CALB2: variants seen among roughly 807,000 people sequenced by gnomAD.
The protein encoded by CALB2 is calbindin 2, also known as calretinin.
CALB2 carries 34 observed loss-of-function variants against 45.9 expected under a neutral mutation model. That is an observed-to-expected ratio of 0.74 (90% confidence interval 0.56 to 0.99). The LOEUF is 0.99. CALB2 is among the 50% of genes least tolerant of loss of function. The pLI is 0.00. For missense variants in CALB2, 344 were observed against 339.3 expected, an observed-to-expected ratio of 1.01 and a Z score of -0.11; for synonymous variants, 142 against 129.6, an observed-to-expected ratio of 1.10 and a Z score of -0.65.
At position 71,385,583 on chromosome 16, in the gene CALB2, A is replaced by C; in HGVS notation, c.634A>C (p.Ser212Arg). 1 of 1,614,096 alleles carries C rather than the reference A, an allele frequency of 6.2e-7. No homozygotes were observed. Among genetic ancestry groups the C allele is most frequent in the Non-Finnish European group, 8.5e-7 (1 of 1,180,004 alleles). ...ACTCTGCTCCCATCCCCAGGATAGAAGCGGCTACATTGACGAGCATGAGCT... is the reference window on the plus strand; with the variant it reads ...ACTCTGCTCCCATCCCCAGGATAGACGCGGCTACATTGACGAGCATGAGCT... Reference protein sequence around the residue: ...AIFTFYDKDRSGYIDEHELDA... With the variant: ...AIFTFYDKDRRGYIDEHELDA... Residue 212 changes from serine (S) to arginine (R), a missense_variant, in exon 10 of 11, where the codon AGC (serine) becomes CGC (arginine). By Grantham distance (110) the Ser-to-Arg change is moderately radical (BLOSUM62 -1). Around this residue, in one of 3 missense-constraint regions of CALB2, gnomAD observed 263 missense variants for 241.7 expected, o/e 1.09. Transcript: ENST00000302628.
intron 10 of CALB2, among the ~76,000 whole-genome samples, 178 bp downstream of exon 10, chr16:71,385,826 T>A (rs2042565208): frequency 6.6e-6 from 1 of 152,124 alleles, no homozygotes; most frequent in Admixed American, 6.6e-5. Flanking sequence ...GGTTGGTTGA[T>A]TAATTGATGT....
At chr16:71,373,794 G>A (rs2042380137) in intron 2 of CALB2, among the ~76,000 whole-genome samples, 1 of 152,250 alleles carries the variant, frequency 6.6e-6, no homozygotes, top group African/African-American at 2.4e-5. Context: ...GGCCACATTT[G>A]TGACAAGTGC....
intron 1 of CALB2, among the ~76,000 whole-genome samples, chr16:71,370,164 ATATT>A (rs2042331539): frequency 6.6e-6 from 1 of 152,200 alleles, no homozygotes. Context: ...GTGCCATACA[ATATT>A]TATTGTGGCA....
intron 9 of CALB2, 21 bp downstream of exon 9, chr16:71,384,857 G>T: frequency 6.2e-7 from 1 of 1,610,402 alleles, no homozygotes; most frequent in Non-Finnish European, 8.5e-7. Flanking sequence ...GAGTTGGCAT[G>T]GCAGGGAAAA....
intron 1 of CALB2, among the ~76,000 whole-genome samples, chr16:71,370,726 GTC>G (rs932447567): frequency 4.6e-5 from 7 of 152,146 alleles, no homozygotes; most frequent in Admixed American, 1.3e-4. Flanking sequence ...GCAAGACCCT[GTC>G]TCAAAAAAAA....
At chr16:71,364,769 G>C (rs2042265958) in intron 1 of CALB2, among the ~76,000 whole-genome samples, 1 of 152,220 alleles carries the variant, frequency 6.6e-6, no homozygotes, top group African/African-American at 2.4e-5. Context: ...TCAGCTGGTG[G>C]CTGGTAGCTC....
intron 4 of CALB2, among the ~76,000 whole-genome samples, chr16:71,381,335 A>C (rs1488925256): frequency 6.6e-6 from 1 of 152,082 alleles, no homozygotes; most frequent in Non-Finnish European, 1.5e-5. Context: ...ACACTCTTGT[A>C]ATCAAATACC....
intron 1 of CALB2, among the ~76,000 whole-genome samples, chr16:71,369,097 C>T (rs2042317767): frequency 6.6e-6 from 1 of 152,144 alleles, no homozygotes; most frequent in Non-Finnish European, 1.5e-5. Flanking sequence ...ATCTTTCCAA[C>T]CTGAAGAAAG....
rs1245467722 is a variant in CALB2, at chr16:71,390,328, T to C, written c.*463T>C. On this transcript the variant is annotated 3_prime_UTR_variant, in exon 11 of 11. Transcript: ENST00000302628. ...CCTGTGTGTGGAAGGCACCCGCCCTTTCCTTGCCTTCTTTACTCGGCGTGC... is the reference window on the plus strand; with the variant it reads ...CCTGTGTGTGGAAGGCACCCGCCCTCTCCTTGCCTTCTTTACTCGGCGTGC... 1 of 154,528 alleles carries C rather than the reference T, an allele frequency of 6.5e-6. No individual in the cohort carries two copies. Among genetic ancestry groups the C allele is most frequent in the Non-Finnish European group, 1.4e-5 (1 of 69,734 alleles). The allele number at this position is 154,528 out of a possible 1,614,324, so 9.6% of individuals were successfully genotyped here. A position where few individuals can be genotyped will look rare whatever the true frequency, so the allele number is the denominator to read the frequency against.
chr16:71,363,335 G>A (rs1055833739), intron 1 of CALB2, among the ~76,000 whole-genome samples: 8 of 152,184 alleles, frequency 5.3e-5, no homozygotes, highest in African/African-American at 1.9e-4. Context: ...AAGTGGCCCA[G>A]GTGACGTAGG....
intron 8 of CALB2, among the ~76,000 whole-genome samples, 173 bp downstream of exon 8, chr16:71,384,551 C>G (rs913788017): frequency 2.1e-5 from 3 of 139,786 alleles, no homozygotes; most frequent in African/African-American, 8.1e-5. Context: ...AAAACACACA[C>G]AGACCACACA....
At chr16:71,385,821 GTTGA>G (rs1007682902) in intron 10 of CALB2, among the ~76,000 whole-genome samples, 173 bp downstream of exon 10, 28 of 152,256 alleles carry the variant, frequency 1.8e-4, no homozygotes, top group Middle Eastern at 3.4e-3. Context: ...TGGTTGGTTG[GTTGA>G]TTAATTGATG....
intron 1 of CALB2, among the ~76,000 whole-genome samples, chr16:71,367,730 C>T (rs1190351551): frequency 6.6e-6 from 1 of 152,208 alleles, no homozygotes; most frequent in Non-Finnish European, 1.5e-5. Flanking sequence ...GGAACAGTGG[C>T]TCAGTTCAAA....
In CALB2 at chr16:71,358,734, C is replaced by T; in HGVS notation, c.-59C>T. 7.2e-7 allele frequency: 1 copy of T among 1,389,374 alleles called. No individual in the cohort carries two copies. Among genetic ancestry groups the T allele is most frequent in the Non-Finnish European group, 1.0e-6 (1 of 1,002,470 alleles). The allele number at this position is 1,389,374 out of a possible 1,614,324, so 86.1% of individuals were successfully genotyped here. On this transcript the variant is annotated 5_prime_UTR_variant, in exon 1 of 11. Transcript: ENST00000302628. The stretch of plus-strand genomic sequence containing the variant: ...TGGCGCACAACCCCAGCGCGAGTGC[C>T]AGAGCCCAGCCGGCGCGGAGCGGGA...
chr16:71,387,514 C>A (rs1212597180), intron 10 of CALB2, among the ~76,000 whole-genome samples: 2 of 151,372 alleles, frequency 1.3e-5, no homozygotes, highest in African/African-American at 4.9e-5. Context: ...TTGGATGGTG[C>A]CTGCATGGAG....
intron 1 of CALB2, among the ~76,000 whole-genome samples, chr16:71,362,046 C>T (rs888733137): frequency 5.9e-5 from 9 of 152,196 alleles, no homozygotes; most frequent in Non-Finnish European, 7.3e-5. Flanking sequence ...CACCCAGTGA[C>T]CCTGGTGGGG....
At chr16:71,387,284 G>T (rs1388952116) in intron 10 of CALB2, among the ~76,000 whole-genome samples, 1 of 152,124 alleles carries the variant, frequency 6.6e-6, no homozygotes, top group Non-Finnish European at 1.5e-5. Flanking sequence ...TCTGCTGTTG[G>T]GATTCAGAAG....
chr16:71,365,045 G>A (rs910017904), intron 1 of CALB2, among the ~76,000 whole-genome samples: 11 of 152,138 alleles, frequency 7.2e-5, no homozygotes, highest in South Asian at 4.1e-4. Flanking sequence ...GGAATGGTGC[G>A]CACCAAGCAA....
chr16:71,382,029 GA>G (rs1254344142), intron 4 of CALB2, among the ~76,000 whole-genome samples: 4 of 127,888 alleles, frequency 3.1e-5, no homozygotes, highest in Non-Finnish European at 6.7e-5. Flanking sequence ...GGAGGAGGAG[GA>G]GGAGGAGGAG....
Sources: gnomAD v4.1 joint callset for allele counts (sites outside exome capture counted in the v4.1 genomes callset) on GRCh38, gnomAD v4.1.1 for gene constraint, gnomAD v4.1.1 regional missense constraint, MANE v1.5 for transcripts, NCBI Gene and HGNC (gene_info 2026-07-23, HGNC 2026-07-21) for gene names.